The following BANP variants were observed in gnomAD, a reference collection of about 807,000 sequenced individuals.
BANP encodes protein BANP.
Under a neutral mutation model 68.1 loss-of-function variants are expected in BANP, and 11 were observed. The ratio of observed to expected loss-of-function variants is 0.16; its 90% CI spans 0.10 to 0.27. BANP has a LOEUF of 0.27. Among genes scored for constraint, BANP ranks in the 10% least tolerant of loss-of-function variants. BANP has a pLI of 1.00. For synonymous variants in BANP, 329 were observed against 303.2 expected (o/e 1.09, Z -0.88); for missense variants, 504 against 722.7 (o/e 0.70, Z 3.47).
rs749765268 is a variant in BANP, at chr16:88,018,615, G to A, written c.843G>A (p.Gln281=). 3.2e-5 allele frequency: 50 copies of A among 1,582,278 alleles called. No homozygotes were observed. Among genetic ancestry groups the A allele is most frequent in the Non-Finnish European group, 4.0e-5 (47 of 1,163,992 alleles). The change falls in exon 7 of 14, where the codon CAG becomes CAA. Residue 281 remains glutamine, a synonymous_variant. Transcript: ENST00000682872. This position sits in a 1 kb window ranked among gnomAD's most constrained non-coding sequence, Gnocchi z 7.7. The part of the protein sequence containing the change: ...EVQAVSNLSG[Q]GKHGKKQLDP... ...AGGCTGTGTCCAACCTCTCGGGGCA[G>A]GGCAAGCACGGGAAGAAGCAGCTGG... is the stretch of plus-strand genomic sequence containing the variant.
At chr16:87,999,371 C>G (rs1398944648) in intron 4 of BANP, among the ~76,000 whole-genome samples, 22 of 143,420 alleles carry the variant, frequency 1.5e-4, no homozygotes, top group African/African-American at 5.5e-4. Flanking sequence ...CTTCCAGACA[C>G]GTCTCCATGC....
At chr16:87,985,993 A>C (rs2064319874) in intron 4 of BANP, among the ~76,000 whole-genome samples, 1 of 152,208 alleles carries the variant, frequency 6.6e-6, no homozygotes, top group Non-Finnish European at 1.5e-5. Context: ...TCCACTCATG[A>C]AGCTCTGGTT....
chr16:87,979,179 G>C (rs1317712792), intron 2 of BANP, among the ~76,000 whole-genome samples: 1 of 152,052 alleles, frequency 6.6e-6, no homozygotes, highest in African/African-American at 2.4e-5. Context: ...AGTCTTTTTT[G>C]TTTTCCTGTT....
At chr16:87,963,218 C>G (rs1174372510) in intron 1 of BANP, among the ~76,000 whole-genome samples, 2 of 152,138 alleles carry the variant, frequency 1.3e-5, no homozygotes, top group Non-Finnish European at 2.9e-5. Flanking sequence ...GCCGTGGTCC[C>G]TTCTTGTCAC....
chr16:88,015,416 C>G (rs1043081262), intron 6 of BANP, among the ~76,000 whole-genome samples: 3 of 152,262 alleles, frequency 2.0e-5, no homozygotes, highest in Non-Finnish European at 4.4e-5. Flanking sequence ...GCCCAGGTGA[C>G]TGGGCCCTGC....
intron 4 of BANP, among the ~76,000 whole-genome samples, chr16:87,992,460 G>C (rs1417307242): frequency 6.6e-6 from 1 of 152,116 alleles, no homozygotes; most frequent in African/African-American, 2.4e-5. Context: ...GAATTTGCCA[G>C]TGAAGCCTAG....
At chr16:87,960,297 G>A (rs866784708) in intron 1 of BANP, among the ~76,000 whole-genome samples, 1 of 152,290 alleles carries the variant, frequency 6.6e-6, no homozygotes, top group South Asian at 2.1e-4. Flanking sequence ...GTCTGATGGT[G>A]GATCTGGACC....
At chr16:88,028,878 T>C (rs371438893) in intron 8 of BANP, among the ~76,000 whole-genome samples, 40 of 152,356 alleles carry the variant, frequency 2.6e-4, no homozygotes, top group African/African-American at 9.4e-4. Context: ...TGATTAAAAA[T>C]TTATGTGTGA....
rs189201961 is a variant in BANP, at chr16:88,055,663, C to T, written c.1312-9604C>T. 5.3e-5 allele frequency among the ~76,000 whole-genome samples: 8 copies of T among 152,134 alleles called. No individual in the cohort carries two copies. The East Asian group carries it at 1.5e-3, about 29-fold the overall frequency. On this transcript the variant is annotated intron_variant, in intron 11 of 13. Transcript: ENST00000682872. ...GAAGGAGTGTGTGTGTGCAGGGTGTCTTTATCTATAGCTGAAAAATGGCCT... is the reference window on the plus strand; with the variant it reads ...GAAGGAGTGTGTGTGTGCAGGGTGTTTTTATCTATAGCTGAAAAATGGCCT...
At chr16:87,960,153 G>A (rs981320799) in intron 1 of BANP, among the ~76,000 whole-genome samples, 1 of 152,188 alleles carries the variant, frequency 6.6e-6, no homozygotes, top group African/African-American at 2.4e-5. Context: ...GGCTTCTGGA[G>A]CAGAGCAGAG....
chr16:88,062,348 C>T (rs763550093), intron 11 of BANP, among the ~76,000 whole-genome samples: 7 of 152,222 alleles, frequency 4.6e-5, no homozygotes, highest in Non-Finnish European at 1.0e-4. Flanking sequence ...GGACATTACA[C>T]AGAATTTCTG....
chr16:88,049,162 C>T lies in BANP; in HGVS notation c.1311+11151C>T, dbSNP rs774907964. Among the ~76,000 whole-genome samples the T allele has an allele frequency of 8.8e-4, 134 of 152,236 alleles. 1 individual carries two copies. The highest frequency in any genetic ancestry group is 3.4e-3 in the Middle Eastern group (1 of 294). ...CATGGGTTGAGGGCTCGGGGACTGCCGCCCAACCACACCAGTTGCAAGTTC... is the reference window on the plus strand; with the variant it reads ...CATGGGTTGAGGGCTCGGGGACTGCTGCCCAACCACACCAGTTGCAAGTTC... On this transcript the variant is annotated intron_variant, in intron 11 of 13. Coordinates refer to ENST00000682872, the MANE Select transcript of BANP (RefSeq NM_001386991.1).
At chr16:87,974,049 A>G (rs1014328792) in intron 1 of BANP, among the ~76,000 whole-genome samples, 1 of 152,236 alleles carries the variant, frequency 6.6e-6, no homozygotes. Flanking sequence ...TGTGCTGTAC[A>G]GAGCTGGGCA....
intron 1 of BANP, among the ~76,000 whole-genome samples, chr16:87,951,903 GC>G (rs1434654078): frequency 1.3e-5 from 2 of 152,146 alleles, no homozygotes; most frequent in Non-Finnish European, 2.9e-5. Flanking sequence ...CTCCTCTGGG[GC>G]CCGAAGTCTC....
At chr16:87,995,390 C>T (rs2066922353) in intron 4 of BANP, among the ~76,000 whole-genome samples, 1 of 152,170 alleles carries the variant, frequency 6.6e-6, no homozygotes, top group Non-Finnish European at 1.5e-5. Flanking sequence ...TATGTAGGAG[C>T]ATAAATGTCC....
At chr16:88,034,205 T>C (rs536343265) in intron 9 of BANP, among the ~76,000 whole-genome samples, 4 of 152,240 alleles carry the variant, frequency 2.6e-5, no homozygotes, top group Admixed American at 2.6e-4. Context: ...GAGACAGTTA[T>C]GAATAGTGAA....
At chr16:88,023,714 G>A (rs1307549124) in intron 7 of BANP, among the ~76,000 whole-genome samples, 2 of 152,170 alleles carry the variant, frequency 1.3e-5, no homozygotes, top group African/African-American at 2.4e-5. Flanking sequence ...GCTGGGAATC[G>A]GCTTATGATT....
chr16:88,045,171 T>C (rs1227789085), intron 11 of BANP, among the ~76,000 whole-genome samples: 2 of 152,120 alleles, frequency 1.3e-5, no homozygotes, highest in Admixed American at 6.5e-5. Context: ...GGGCTTTTCA[T>C]CTAGATCAGG....
chr16:88,029,842 G>T (rs2077772666), intron 8 of BANP, among the ~76,000 whole-genome samples: 1 of 152,222 alleles, frequency 6.6e-6, no homozygotes, highest in Non-Finnish European at 1.5e-5. Context: ...TGGAGGAGAT[G>T]GGTTGGAGTT....
Sources: allele counts gnomAD v4.1 joint callset (sites outside exome capture counted in the v4.1 genomes callset), GRCh38; gene constraint gnomAD v4.1.1; non-coding constraint Gnocchi (gnomAD v3.1); transcripts MANE v1.5; gene names NCBI Gene and HGNC (gene_info 2026-07-23, HGNC 2026-07-21).